The following CTNNA2 variants were observed in gnomAD, a reference collection of about 807,000 sequenced individuals.
The protein encoded by CTNNA2 is catenin alpha 2.
In CTNNA2, 42 loss-of-function variants were observed where a neutral mutation model predicts 101.0. The observed-to-expected ratio is 0.42, with a 90% CI of 0.32 to 0.54. The LOEUF (loss-of-function observed/expected upper bound fraction) is 0.54. CTNNA2 is among the 20% of genes least tolerant of loss of function. The pLI is 0.14. For missense variants in CTNNA2, 871 were observed against 1,223.1 expected (o/e 0.71, Z 4.29); for synonymous variants, 450 against 456.4 (o/e 0.99, Z 0.18).
intron 2 of CTNNA2, among the ~76,000 whole-genome samples, chr2:79,677,477 G>T (rs2104619298): frequency 6.6e-6 from 1 of 152,180 alleles, no homozygotes; most frequent in Middle Eastern, 3.4e-3. Context: ...AGAAACAATA[G>T]GTAAAATGTG....
At chr2:79,566,135 A>G (rs1675099707) in intron 1 of CTNNA2, among the ~76,000 whole-genome samples, 1 of 152,130 alleles carries the variant, frequency 6.6e-6, no homozygotes, top group African/African-American at 2.4e-5. Flanking sequence ...CCTATTAAAT[A>G]TTAATTGAAA....
intron 11 of CTNNA2, among the ~76,000 whole-genome samples, chr2:80,549,306 T>TTA (rs1416742206): frequency 1.2e-4 from 19 of 152,338 alleles, no homozygotes; most frequent in African/African-American, 4.6e-4. Context: ...GATCTCATAA[T>TTA]GCCCAAGAGT....
At chr2:80,404,282 T>C (rs1678848725) in intron 8 of CTNNA2, among the ~76,000 whole-genome samples, 1 of 152,216 alleles carries the variant, frequency 6.6e-6, no homozygotes, top group African/African-American at 2.4e-5. Flanking sequence ...TTTGATTTTC[T>C]CTCCTTTGTT....
chr2:79,215,681 G>T (rs1349538028), intron 2 of CTNNA2, among the ~76,000 whole-genome samples: 1 of 152,128 alleles, frequency 6.6e-6, no homozygotes, highest in South Asian at 2.1e-4. Context: ...AACGCTCTCT[G>T]ATTTGGGATT....
At chr2:79,205,340 C>T (rs550045346) in intron 2 of CTNNA2, among the ~76,000 whole-genome samples, 50 of 152,282 alleles carry the variant, frequency 3.3e-4, no homozygotes, top group African/African-American at 1.2e-3. Context: ...TAAGAGCTGT[C>T]TAAGCATGGT....
chr2:80,525,636 C>G (rs891572919), intron 9 of CTNNA2, among the ~76,000 whole-genome samples: 2 of 152,150 alleles, frequency 1.3e-5, no homozygotes, highest in Non-Finnish European at 2.9e-5. Context: ...GTTTTCTCTC[C>G]TATCGTAGCC....
intron 7 of CTNNA2, among the ~76,000 whole-genome samples, chr2:80,177,391 CCACCAAGTAGCTGGTTGATTACCCAAGG>C (rs539458067): frequency 1.3e-5 from 2 of 152,246 alleles, no homozygotes; most frequent in Non-Finnish European, 2.9e-5. Context: ...ACTCAACCTG[CCACCAAGTAGCTGGTTGATTACCCAAGG>C]AATGTTGCCA....
intron 8 of CTNNA2, among the ~76,000 whole-genome samples, chr2:80,406,937 C>G (rs1679126887): frequency 6.6e-6 from 1 of 151,628 alleles, no homozygotes; most frequent in Admixed American, 6.6e-5. Flanking sequence ...GGTGCATTCT[C>G]TATGTGTTTG....
intron 3 of CTNNA2, among the ~76,000 whole-genome samples, chr2:79,362,548 G>A (rs1384318441): frequency 6.6e-6 from 1 of 152,102 alleles, no homozygotes; most frequent in African/African-American, 2.4e-5. Context: ...GGATTTTCAT[G>A]CCCCTGAGTA....
chr2:79,203,480 C>T (rs1674063480), intron 2 of CTNNA2, among the ~76,000 whole-genome samples: 1 of 152,054 alleles, frequency 6.6e-6, no homozygotes, highest in Non-Finnish European at 1.5e-5. Context: ...GGGAGGGAAG[C>T]CAATGGAAAT....
intron 13 of CTNNA2, among the ~76,000 whole-genome samples, chr2:80,577,230 A>G (rs768887878): frequency 4.6e-5 from 7 of 152,184 alleles, no homozygotes; most frequent in Non-Finnish European, 8.8e-5. Flanking sequence ...TAGGAGACAG[A>G]GAATAAACAA....
chr2:80,173,085 C>T (rs1177488258), intron 7 of CTNNA2, among the ~76,000 whole-genome samples: 1 of 152,168 alleles, frequency 6.6e-6, no homozygotes, highest in Non-Finnish European at 1.5e-5. Context: ...TTTGTATGCA[C>T]ATTAAAGTTT....
chr2:79,454,154 G>T (rs778310816), intron 4 of CTNNA2, among the ~76,000 whole-genome samples: 15 of 152,038 alleles, frequency 9.9e-5, no homozygotes, highest in African/African-American at 1.4e-4. Context: ...CTCTTCATTT[G>T]CAAGATTGTT....
chr2:80,634,853 G>T (rs1165833393), intron 18 of CTNNA2, among the ~76,000 whole-genome samples: 2 of 152,152 alleles, frequency 1.3e-5, no homozygotes, highest in African/African-American at 4.8e-5. Context: ...AAGATTCTGG[G>T]TGTTTAACCA....
At chr2:79,771,446 G>C (rs541571382) in intron 3 of CTNNA2, among the ~76,000 whole-genome samples, 2 of 152,260 alleles carry the variant, frequency 1.3e-5, no homozygotes, top group Admixed American at 1.3e-4. Context: ...TTATTACATT[G>C]TAATATACAA....
intron 4 of CTNNA2, among the ~76,000 whole-genome samples, chr2:79,442,199 T>A (rs1423692444): frequency 6.6e-6 from 1 of 152,202 alleles, no homozygotes; most frequent in Admixed American, 6.5e-5. Flanking sequence ...CACAAATCAG[T>A]AGTATAAAAT....
chr2:80,628,486 C>G (rs987519335), intron 18 of CTNNA2, among the ~76,000 whole-genome samples: 2 of 151,048 alleles, frequency 1.3e-5, no homozygotes, highest in Non-Finnish European at 3.0e-5. Context: ...TTTCCCAACA[C>G]TATTTATTAA....
intron 4 of CTNNA2, among the ~76,000 whole-genome samples, chr2:79,500,424 A>T (rs1295915815): frequency 1.3e-5 from 2 of 152,222 alleles, no homozygotes; most frequent in East Asian, 3.8e-4. Context: ...TCAAACTTTT[A>T]TATTCACCTG....
At chr2:80,571,602 GTA>G (rs1694603725) in intron 12 of CTNNA2, among the ~76,000 whole-genome samples, 1 of 152,046 alleles carries the variant, frequency 6.6e-6, no homozygotes, top group Non-Finnish European at 1.5e-5. Flanking sequence ...TTTCATTTGT[GTA>G]TTTAAAAATT....
Sources: allele counts gnomAD v4.1 joint callset (sites outside exome capture counted in the v4.1 genomes callset), GRCh38; gene constraint gnomAD v4.1.1; transcripts MANE v1.5; gene names NCBI Gene and HGNC (gene_info 2026-07-23, HGNC 2026-07-21).